PARD3: variants seen among roughly 807,000 people sequenced by gnomAD.
PARD3 encodes partitioning defective 3 homolog.
PARD3 carries 75 observed loss-of-function variants against 155.4 expected under a neutral mutation model. The ratio of observed to expected loss-of-function variants is 0.48; its 90% CI spans 0.40 to 0.58. The LOEUF is 0.58. Ranked by LOEUF, PARD3 falls within the 20% of genes least tolerant of loss-of-function variation. The pLI, the probability that PARD3 is intolerant of heterozygous loss-of-function variation, is 0.00. For missense variants in PARD3, 1,642 were observed against 1,721.7 expected (o/e 0.95, Z 0.82); for synonymous variants, 576 against 610.5 (o/e 0.94, Z 0.83).
chr10:34,353,120 T>G (rs1367745629), intron 14 of PARD3, among the ~76,000 whole-genome samples: 1 of 151,754 alleles, frequency 6.6e-6, no homozygotes, highest in Non-Finnish European at 1.5e-5. Context: ...AGCCGCCCCG[T>G]CTGGGAAGTG....
chr10:34,397,862 T>C (rs1289354815), intron 7 of PARD3, among the ~76,000 whole-genome samples: 1 of 152,182 alleles, frequency 6.6e-6, no homozygotes, highest in Non-Finnish European at 1.5e-5. Flanking sequence ...AATCCATGCA[T>C]TTTACCTTAT....
intron 2 of PARD3, among the ~76,000 whole-genome samples, chr10:34,642,484 C>CACTCCACCT: frequency 6.6e-6 from 1 of 152,078 alleles, no homozygotes; most frequent in Non-Finnish European, 1.5e-5. Context: ...GACCCTGAGT[C>CACTCCACCT]ACTCCACCTG....
chr10:34,737,352 C>G (rs1243960030), intron 1 of PARD3, among the ~76,000 whole-genome samples: 1 of 152,214 alleles, frequency 6.6e-6, no homozygotes, highest in Non-Finnish European at 1.5e-5. Flanking sequence ...AAAAGCTCCA[C>G]TCAGGTGCTT....
rs1010688546 is a variant in PARD3, at chr10:34,419,896, C to G, written c.715-17979G>C. On this transcript the variant is annotated intron_variant, in intron 5 of 24. Transcript: ENST00000374788. ...TTGTTCTTTTTACTTAACAACATGA[C>G]TTGCAAATATTTCAATACCTAGGAA... 5.3e-5 allele frequency among the ~76,000 whole-genome samples: 8 copies of G among 152,304 alleles called. No individual in the cohort carries two copies. The East Asian group carries it at 1.5e-3, about 29-fold the overall frequency.
At chr10:34,399,536 C>A in intron 6 of PARD3, 123 bp from the exon 7 acceptor site, 2 of 687,058 alleles carry the variant, frequency 2.9e-6, no homozygotes, top group Non-Finnish European at 5.2e-6. Flanking sequence ...GAGAACAGAA[C>A]AAAAATCCCA....
chr10:34,781,001 G>A (rs1261544963), intron 1 of PARD3, among the ~76,000 whole-genome samples: 1 of 152,158 alleles, frequency 6.6e-6, no homozygotes, highest in Non-Finnish European at 1.5e-5. Flanking sequence ...ATGCATTTCC[G>A]CTTACTTTGT....
intron 1 of PARD3, among the ~76,000 whole-genome samples, chr10:34,782,732 T>C (rs964865056): frequency 1.2e-4 from 18 of 152,160 alleles, no homozygotes; most frequent in African/African-American, 4.3e-4. Context: ...TTTTTTTTTT[T>C]TCTTTTTTTT....
chr10:34,366,910 T>C (rs1463143968), intron 12 of PARD3, among the ~76,000 whole-genome samples: 1 of 152,194 alleles, frequency 6.6e-6, no homozygotes, highest in East Asian at 1.9e-4. Context: ...TATTATAAAG[T>C]TCATTATTCT....
intron 22 of PARD3, among the ~76,000 whole-genome samples, chr10:34,138,362 C>A (rs1002610265): frequency 6.6e-6 from 1 of 152,132 alleles, no homozygotes; most frequent in East Asian, 1.9e-4. Context: ...TAGGGTGATA[C>A]CTTTTGTCGA....
At chr10:34,473,945 G>A (rs1440149643) in intron 3 of PARD3, among the ~76,000 whole-genome samples, 1 of 152,206 alleles carries the variant, frequency 6.6e-6, no homozygotes, top group Non-Finnish European at 1.5e-5. Context: ...CAACAAAGCT[G>A]TTTTCTTCTA....
chr10:34,169,110 A>C (rs554971800), intron 22 of PARD3, among the ~76,000 whole-genome samples: 3 of 152,330 alleles, frequency 2.0e-5, no homozygotes, highest in African/African-American at 7.2e-5. Flanking sequence ...AATAGGAATT[A>C]AGTTTACTGG....
chr10:34,307,186 G>A (rs985213494), intron 20 of PARD3, among the ~76,000 whole-genome samples: 4 of 152,024 alleles, frequency 2.6e-5, no homozygotes, highest in African/African-American at 7.2e-5. Flanking sequence ...CACCGCACCC[G>A]GCTCAAAAGT....
chr10:34,383,271 C>CTTT (rs1842034102), intron 8 of PARD3, among the ~76,000 whole-genome samples: 3 of 152,060 alleles, frequency 2.0e-5, no homozygotes. Flanking sequence ...ACAACATTGT[C>CTTT]TAATACAACT....
chr10:34,690,568 A>G (rs539896030), intron 2 of PARD3, among the ~76,000 whole-genome samples: 2 of 152,302 alleles, frequency 1.3e-5, no homozygotes, highest in South Asian at 4.1e-4. Flanking sequence ...AAGCATTGAG[A>G]TCGTACAGCC....
intron 2 of PARD3, among the ~76,000 whole-genome samples, chr10:34,658,656 A>G (rs1274569529): frequency 6.6e-6 from 1 of 152,168 alleles, no homozygotes; most frequent in Admixed American, 6.5e-5. Context: ...CCAATTAATG[A>G]CTATTGCTGG....
chr10:34,272,657 C>A lies in PARD3; in HGVS notation c.3177-2758G>T, dbSNP rs139507580. 6.6e-5 allele frequency among the ~76,000 whole-genome samples: 10 copies of A among 152,148 alleles called. No homozygotes were observed. The East Asian group carries it at 1.9e-3, about 29-fold the overall frequency. ...GAGAGGATTGCCTGGGCCCTGGAGG[C>A]CAAGACTGCAGTGAACCATGACTGT... On this transcript the variant is annotated intron_variant, in intron 21 of 24. Transcript: ENST00000374788.
In PARD3 at chr10:34,470,153, G is replaced by T. The variant is rs757021288; in HGVS notation, c.514C>A (p.Arg172Ser). The change falls in exon 4 of 25, where the codon CGC becomes AGC. Residue 172 changes from arginine to serine, a missense_variant. Around this residue, in one of 3 missense-constraint regions of PARD3, gnomAD observed 1,529 missense variants for 1,587.3 expected, o/e 0.96. Transcript: ENST00000374788. ...AGGAAGCCAGCTGTTGTTGACCAGC[G>T]TGTGGGATTTTTCCTTGAAGGCTCT... ...SEEPSRKNPT[R>S]WSTTAGFLKQ... 3 of 1,613,416 alleles carry T rather than the reference G, an allele frequency of 1.9e-6. No homozygotes were observed. The highest frequency in any genetic ancestry group is 2.5e-6 in the Non-Finnish European group (3 of 1,179,756).
chr10:34,794,391 T>A (rs763144242), intron 1 of PARD3, among the ~76,000 whole-genome samples: 1 of 152,228 alleles, frequency 6.6e-6, no homozygotes, highest in South Asian at 2.1e-4. Context: ...TGATAAATAG[T>A]ATATTATGTA....
chr10:34,382,696 T>G lies in PARD3; in HGVS notation c.1243A>C (p.Ile415Leu), dbSNP rs866053776. The change falls in exon 9 of 25, where the codon ATA (isoleucine) becomes CTA (leucine). Residue 415 changes from isoleucine (I) to leucine (L), a missense_variant. This residue lies in a region of PARD3 where 1,529 missense variants were observed against 1,587.3 expected (regional missense o/e 0.96). Coordinates refer to ENST00000374788, the MANE Select transcript of PARD3 (RefSeq NM_001184785.2). ...TGAGGTAGTCTTGAGTGAGAGTCTA[T>G]CTGCTCAGGCGGGTGGTTCAGTCGG... Reference protein sequence around the residue: ...APRLNHPPEQIDSHSRLPHSA... With the variant: ...APRLNHPPEQLDSHSRLPHSA... 1 of 1,614,198 alleles carries G rather than the reference T, an allele frequency of 6.2e-7. No homozygotes were observed.
Sources: allele counts gnomAD v4.1 joint callset (sites outside exome capture counted in the v4.1 genomes callset), GRCh38; gene constraint gnomAD v4.1.1; regional missense constraint gnomAD v4.1.1; transcripts MANE v1.5; gene names NCBI Gene and HGNC (gene_info 2026-07-23, HGNC 2026-07-21).